CERS3: variants seen among roughly 807,000 people sequenced by gnomAD.
The protein encoded by CERS3 is ceramide synthase 3, also known as LAG1 homolog, ceramide synthase 3.
Under a neutral mutation model 50.3 loss-of-function variants are expected in CERS3, and 33 were observed. The ratio of observed to expected loss-of-function variants is 0.66; its 90% CI spans 0.50 to 0.88. The LOEUF (loss-of-function observed/expected upper bound fraction) is 0.88, where lower values mean the gene tolerates loss of function less well. Ranked by LOEUF, CERS3 falls within the 40% of genes least tolerant of loss-of-function variation. CERS3 has a pLI of 0.00. For synonymous variants in CERS3, 176 were observed against 155.2 expected, an observed-to-expected ratio of 1.13 and a Z score of -0.99; for missense variants, 470 against 460.3, an observed-to-expected ratio of 1.02 and a Z score of -0.19.
At chr15:100,499,936 T>C (rs1041019544) in intron 3 of CERS3, among the ~76,000 whole-genome samples, 3 of 152,190 alleles carry the variant, frequency 2.0e-5, no homozygotes, top group Non-Finnish European at 2.9e-5. Flanking sequence ...CTGTGTGACC[T>C]TGGCCAGGTC....
Position 100,497,306 on chromosome 15 carries a change from A to ATGTGTG in CERS3, c.173+4365_173+4370dup, listed in dbSNP as rs139734142. Among the ~76,000 whole-genome samples the ATGTGTG allele has an allele frequency of 7.8e-3, 1,137 of 145,930 alleles. 8 individuals are homozygous for ATGTGTG. The highest frequency in any genetic ancestry group is 0.02 in the African/African-American group (809 of 39,616). On this transcript the variant is annotated intron_variant, in intron 3 of 11. Transcript: ENST00000679737. ...ACACAGAGAGAGAGAGCATATATGT[A>ATGTGTG]TGTGTGTGTGTGTGTGTGTGTGTGT...
chr15:100,469,431 A>T lies in CERS3; in HGVS notation c.792T>A (p.Phe264Leu). Residue 264 changes from phenylalanine to leucine, a missense_variant, in exon 10 of 12, where the codon TTT (phenylalanine) becomes TTA (leucine). Physicochemically the swap from Phe to Leu is conservative, Grantham distance 22. Coordinates refer to ENST00000679737, the MANE Select transcript of CERS3 (RefSeq NM_001378789.1). ...AGWTQTCNTL[F>L]FIFSTIFFIS... ...TGAAAAATATGGTGGAGAAGATGAA[A>T]AACAGGGTGTTACAGGTCTGCGTCC... The T allele has an allele frequency of 6.2e-7, 1 of 1,614,130 alleles. No homozygotes were observed. Among genetic ancestry groups the T allele is most frequent in the Non-Finnish European group, 8.5e-7 (1 of 1,179,972 alleles).
At chr15:100,417,420 C>G (rs1274461617) in intron 11 of CERS3, among the ~76,000 whole-genome samples, 3 of 152,080 alleles carry the variant, frequency 2.0e-5, no homozygotes, top group African/African-American at 4.8e-5. Context: ...ACACCTGGCT[C>G]TGAGGGTCCT....
chr15:100,408,215 G>A (rs1241781695), intron 11 of CERS3, among the ~76,000 whole-genome samples: 1 of 152,184 alleles, frequency 6.6e-6, no homozygotes, highest in Non-Finnish European at 1.5e-5. Context: ...TTTGGTATGT[G>A]TGGGTAGTCC....
Position 100,472,980 on chromosome 15 carries a change from T to C in CERS3, c.682A>G (p.Ile228Val). The C allele has an allele frequency of 6.2e-7, 1 of 1,614,012 alleles. No individual in the cohort carries two copies. Among genetic ancestry groups the C allele is most frequent in the Non-Finnish European group, 8.5e-7 (1 of 1,179,948 alleles). ...ATCATCACGAGGGTCCCACTGCGAA[T>C]ATAATTAGCACACCAAGAGAAGCTC... ...LMSFSWCANYIRSGTLVMIVH... is the reference protein window; with the variant it reads ...LMSFSWCANYVRSGTLVMIVH... The change falls in exon 9 of 12, where the codon ATT becomes GTT. Residue 228 changes from isoleucine (I) to valine (V), a missense_variant. Physicochemically the swap from Ile to Val is conservative, Grantham distance 29. Transcript: ENST00000679737.
chr15:100,453,010 C>A (rs751029069), intron 11 of CERS3, among the ~76,000 whole-genome samples: 1 of 151,978 alleles, frequency 6.6e-6, no homozygotes, highest in South Asian at 2.1e-4. Flanking sequence ...AATAAAAAGT[C>A]TTTCAACAAA....
At chr15:100,519,914 C>T (rs2036592867) in intron 2 of CERS3, among the ~76,000 whole-genome samples, 1 of 152,238 alleles carries the variant, frequency 6.6e-6, no homozygotes, top group Non-Finnish European at 1.5e-5. Flanking sequence ...CCCACCCTTA[C>T]ATCTGGCTTT....
chr15:100,505,723 G>A (rs1051083278), intron 2 of CERS3, among the ~76,000 whole-genome samples: 3 of 152,208 alleles, frequency 2.0e-5, no homozygotes, highest in African/African-American at 7.2e-5. Context: ...AAAAGCACAA[G>A]CAGGCTGGGT....
chr15:100,472,304 T>C lies in CERS3; in HGVS notation c.738+620A>G, dbSNP rs145681408. Among the ~76,000 whole-genome samples the C allele has an allele frequency of 3.4e-3, 515 of 152,266 alleles. 3 individuals are homozygous for C. Among genetic ancestry groups the C allele is most frequent in the African/African-American group, 0.012 (480 of 41,560 alleles). On this transcript the variant is annotated intron_variant, in intron 9 of 11. Coordinates refer to ENST00000679737, the MANE Select transcript of CERS3 (RefSeq NM_001378789.1). ...TGCCTGGGGTCAACAAGAATCAAAA[T>C]AGAACAGAAACAGGTCCGGAAAACA...
At chr15:100,419,712 T>C (rs374879472) in intron 11 of CERS3, among the ~76,000 whole-genome samples, 47 of 151,212 alleles carry the variant, frequency 3.1e-4, no homozygotes, top group African/African-American at 1.1e-3. Flanking sequence ...TGTAAAAGAA[T>C]AGAAATTATA....
intron 7 of CERS3, among the ~76,000 whole-genome samples, chr15:100,476,722 T>C (rs1006203698): frequency 3.9e-5 from 6 of 152,188 alleles, no homozygotes; most frequent in Non-Finnish European, 8.8e-5. Flanking sequence ...GCTAGAATTT[T>C]CTTAACAATT....
intron 1 of CERS3, among the ~76,000 whole-genome samples, chr15:100,526,399 A>T (rs2036791452): frequency 6.6e-6 from 1 of 150,706 alleles, no homozygotes; most frequent in South Asian, 2.1e-4. Flanking sequence ...CCAGCCCAGC[A>T]CCCTCCTCCC....
Position 100,474,083 on chromosome 15 carries a change from C to T in CERS3, c.610-1031G>A, listed in dbSNP as rs141493047. ...TTATATAAAATATCCAGAAGAGGCA[C>T]ATCTATAGAGACAAAGGAGATTTAT... On this transcript the variant is annotated intron_variant, in intron 8 of 11. Transcript: ENST00000679737. Among the ~76,000 whole-genome samples the T allele has an allele frequency of 9.9e-3, 1,513 of 152,162 alleles. 23 individuals are homozygous for T. Among genetic ancestry groups the T allele is most frequent in the African/African-American group, 0.035 (1,448 of 41,520 alleles).
intron 2 of CERS3, among the ~76,000 whole-genome samples, chr15:100,504,397 C>A (rs1425023507): frequency 6.6e-6 from 1 of 152,020 alleles, no homozygotes; most frequent in Non-Finnish European, 1.5e-5. Flanking sequence ...ACATATGCCA[C>A]CATGGCCAGC....
At chr15:100,423,550 C>T (rs1419431147) in intron 11 of CERS3, among the ~76,000 whole-genome samples, 2 of 152,104 alleles carry the variant, frequency 1.3e-5, no homozygotes, top group African/African-American at 2.4e-5. Flanking sequence ...TTCTCACTTA[C>T]AACACACATG....
chr15:100,465,564 T>C (rs2034684502), intron 10 of CERS3, among the ~76,000 whole-genome samples: 1 of 152,206 alleles, frequency 6.6e-6, no homozygotes, highest in Admixed American at 6.5e-5. Flanking sequence ...TCCAATGGCT[T>C]GGTGAGGTTT....
chr15:100,504,460 C>G (rs1002200137), intron 2 of CERS3, among the ~76,000 whole-genome samples: 1 of 152,060 alleles, frequency 6.6e-6, no homozygotes, highest in Non-Finnish European at 1.5e-5. Context: ...TCAGTCTGGT[C>G]TTGAACTCCC....
chr15:100,484,267 A>G (rs1012604155), intron 5 of CERS3, among the ~76,000 whole-genome samples: 2 of 152,224 alleles, frequency 1.3e-5, no homozygotes, highest in Non-Finnish European at 2.9e-5. Context: ...GGCTGAGTAC[A>G]TAACATCTCC....
rs1296320646 is a variant in CERS3 at position 100,414,225 on chromosome 15, A to T, written c.1000-11360T>A. Among the ~76,000 whole-genome samples, 4 of 152,174 alleles carry T rather than the reference A, an allele frequency of 2.6e-5. No individual in the cohort carries two copies. In the South Asian group the frequency reaches 8.3e-4, roughly 32 times the overall value. On this transcript the variant is annotated intron_variant, in intron 11 of 11. Coordinates refer to ENST00000679737, the MANE Select transcript of CERS3 (RefSeq NM_001378789.1). ...TATCTAGGAATATAGCTAACAAGGG[A>T]TGTGAAGGCCCTCTTCAAGGAGAAC...
Sources: gnomAD v4.1 joint callset for allele counts (sites outside exome capture counted in the v4.1 genomes callset) on GRCh38, gnomAD v4.1.1 for gene constraint, MANE v1.5 for transcripts, NCBI Gene and HGNC (gene_info 2026-07-23, HGNC 2026-07-21) for gene names.